SEZ6L: variants seen among roughly 807,000 people sequenced by gnomAD.
SEZ6L encodes the protein seizure related 6 homolog like.
In SEZ6L, 37 loss-of-function variants were observed where a neutral mutation model predicts 106.2. That is an observed-to-expected ratio of 0.35 (90% confidence interval 0.27 to 0.46). The LOEUF is 0.46. SEZ6L is among the 20% of genes least tolerant of loss of function. The pLI is 1.00. For missense variants in SEZ6L, 1,172 were observed against 1,332.8 expected (o/e 0.88, Z 1.88); for synonymous variants, 541 against 570.4 (o/e 0.95, Z 0.73).
At position 26,380,379 on chromosome 22, in the gene SEZ6L, T is replaced by C. The variant is rs1013142809; in HGVS notation, c.*84T>C. ...CATCCAGAGACCATGTGGCACTTGA[T>C]TGAAACCCCAGAATGTCGACTGTCT... On this transcript the variant is annotated 3_prime_UTR_variant, in exon 17 of 17. Coordinates refer to ENST00000248933, the MANE Select transcript of SEZ6L (RefSeq NM_021115.5). 1.0e-5 allele frequency: 11 copies of C among 1,082,676 alleles called. No individual in the cohort carries two copies. The highest frequency in any genetic ancestry group is 1.4e-5 in the Non-Finnish European group (10 of 704,904). 67.1% of individuals were successfully genotyped at this position (1,082,676 alleles called of 1,614,324 possible). A position where few individuals can be genotyped will look rare whatever the true frequency, so the allele number is the denominator to read the frequency against.
Position 26,231,004 on chromosome 22 carries a change from G to A in SEZ6L, c.94+61241G>A, listed in dbSNP as rs560729076. On this transcript the variant is annotated intron_variant, in intron 1 of 16. Transcript: ENST00000248933. ...AGCCCCAAAACTGGGGCTTAGCCCA[G>A]GAGGGTTCTTGGCTTTGCCTAGGAA... is the stretch of plus-strand genomic sequence containing the variant. 2.0e-5 allele frequency among the ~76,000 whole-genome samples: 3 copies of A among 152,326 alleles called. No individual in the cohort carries two copies. The East Asian group carries it at 5.8e-4, about 29-fold the overall frequency.
intron 9 of SEZ6L, among the ~76,000 whole-genome samples, chr22:26,320,767 C>T (rs983037068): frequency 5.3e-5 from 8 of 152,142 alleles, no homozygotes; most frequent in African/African-American, 1.9e-4. Context: ...GTCAGTTTTT[C>T]TCAACCAGGG....
At chr22:26,281,865 C>T (rs2080781552) in intron 1 of SEZ6L, among the ~76,000 whole-genome samples, 1 of 152,190 alleles carries the variant, frequency 6.6e-6, no homozygotes, top group South Asian at 2.1e-4. Flanking sequence ...TTGGATTCCA[C>T]CACATCTTAC....
intron 6 of SEZ6L, among the ~76,000 whole-genome samples, chr22:26,306,570 C>G (rs77934670): frequency 6.6e-6 from 1 of 151,994 alleles, no homozygotes; most frequent in Non-Finnish European, 1.5e-5. Flanking sequence ...AAAAACTAGA[C>G]GTATGCACAT....
In SEZ6L at chr22:26,381,172, C is replaced by T. The variant is rs1000928663; in HGVS notation, c.*877C>T. 2.0e-5 allele frequency: 3 copies of T among 152,092 alleles called. No homozygotes were observed. The highest frequency in any genetic ancestry group is 7.2e-5 in the African/African-American group (3 of 41,426). The allele number at this position is 152,092 out of a possible 1,614,324, so 9.4% of individuals were successfully genotyped here. The stretch of plus-strand genomic sequence containing the variant: ...GCCACTCTCAAGCTGTGGTAATAAA[C>T]ACACAGGCTTGGGAGGCACCAGCGG... On this transcript the variant is annotated 3_prime_UTR_variant, in exon 17 of 17. Transcript: ENST00000248933.
intron 1 of SEZ6L, among the ~76,000 whole-genome samples, chr22:26,233,764 G>C (rs763977102): frequency 2.6e-5 from 4 of 152,194 alleles, no homozygotes; most frequent in Admixed American, 6.5e-5. Context: ...TGTGACCCCT[G>C]CTATGCAGTG....
intron 9 of SEZ6L, among the ~76,000 whole-genome samples, chr22:26,319,587 G>T (rs1286242824): frequency 6.6e-6 from 1 of 152,100 alleles, no homozygotes; most frequent in Non-Finnish European, 1.5e-5. Flanking sequence ...CCCTGCCATT[G>T]GGATGCTCTG....
At chr22:26,190,503 C>A (rs552534199) in intron 1 of SEZ6L, among the ~76,000 whole-genome samples, 1 of 152,194 alleles carries the variant, frequency 6.6e-6, no homozygotes, top group Non-Finnish European at 1.5e-5. Flanking sequence ...CCATCTCTGC[C>A]ACTTATCTCA....
chr22:26,188,861 G>T (rs1052606095), intron 1 of SEZ6L, among the ~76,000 whole-genome samples: 1 of 152,172 alleles, frequency 6.6e-6, no homozygotes, highest in Non-Finnish European at 1.5e-5. Flanking sequence ...TATAGTACCA[G>T]CAGTAAAAAT....
intron 9 of SEZ6L, among the ~76,000 whole-genome samples, chr22:26,337,703 G>T (rs975274849): frequency 6.6e-6 from 1 of 152,162 alleles, no homozygotes; most frequent in African/African-American, 2.4e-5. Context: ...AACTGTCAGG[G>T]GGGTAGGAGG....
chr22:26,321,606 C>G (rs1352384820), intron 9 of SEZ6L, among the ~76,000 whole-genome samples: 2 of 152,214 alleles, frequency 1.3e-5, no homozygotes, highest in Non-Finnish European at 2.9e-5. Context: ...AGCATCTCAA[C>G]AGCCAGGGTT....
chr22:26,304,360 AAAAAGAAAGAAGAAAGAAAGAAAGAAAG>A, intron 5 of SEZ6L, among the ~76,000 whole-genome samples: 1 of 120,314 alleles, frequency 8.3e-6, no homozygotes, highest in African/African-American at 3.5e-5. Flanking sequence ...TCAAAAAAAA[AAAAAGAAAGAAGAAAGAAAGAAAGAAAG>A]AAAGAAAGAA....
At chr22:26,244,824 A>T (rs1338811950) in intron 1 of SEZ6L, 2 of 152,240 alleles carry the variant, frequency 1.3e-5, no homozygotes, top group African/African-American at 2.4e-5. Context: ...GGCTGTAGGG[A>T]TCCCTCTGGG....
intron 10 of SEZ6L, among the ~76,000 whole-genome samples, chr22:26,347,211 GA>G (rs2083037446): frequency 6.6e-6 from 1 of 151,254 alleles, no homozygotes; most frequent in South Asian, 2.1e-4. Context: ...TGATGATGAT[GA>G]TGATGATGAT....
At chr22:26,337,970 T>C (rs532752481) in intron 9 of SEZ6L, among the ~76,000 whole-genome samples, 5 of 152,178 alleles carry the variant, frequency 3.3e-5, no homozygotes, top group African/African-American at 4.8e-5. Flanking sequence ...TGTTGTTTTG[T>C]TCTGACCACC....
In SEZ6L at chr22:26,352,082, G is replaced by A. The variant is rs571028944; in HGVS notation, c.2599+839G>A. 1.1e-4 allele frequency among the ~76,000 whole-genome samples: 16 copies of A among 149,886 alleles called. No homozygotes were observed. In the South Asian group the frequency reaches 3.4e-3, roughly 31 times the overall value. On this transcript the variant is annotated intron_variant, in intron 12 of 16. Coordinates refer to ENST00000248933, the MANE Select transcript of SEZ6L (RefSeq NM_021115.5). The stretch of plus-strand genomic sequence containing the variant: ...AGGCTGAGGTGGGAGGATTGCTTGA[G>A]CCCAAGAGGTCAAGGCTGCAGTGAG...
intron 1 of SEZ6L, among the ~76,000 whole-genome samples, chr22:26,231,228 G>A (rs532453879): frequency 8.5e-5 from 13 of 152,288 alleles, no homozygotes; most frequent in Admixed American, 7.2e-4. Context: ...GGTGGTTTAT[G>A]CAGAAATTTC....
chr22:26,376,219 A>T (rs1039196884), intron 15 of SEZ6L, among the ~76,000 whole-genome samples: 1 of 150,226 alleles, frequency 6.7e-6, no homozygotes, highest in Non-Finnish European at 1.5e-5. Flanking sequence ...AAAAAAAAAT[A>T]GAAGGAAATA....
At chr22:26,348,646 A>AAGAAAGAAAAAG (rs1556371589) in intron 11 of SEZ6L, among the ~76,000 whole-genome samples, 11 of 7,688 alleles carry the variant, frequency 1.4e-3, no homozygotes, top group East Asian at 0.01. Flanking sequence ...GAAAGAAAGA[A>AAGAAAGAAAAAG]AAAGAAAGAA....
Sources: allele counts gnomAD v4.1 joint callset (sites outside exome capture counted in the v4.1 genomes callset), GRCh38; gene constraint gnomAD v4.1.1; transcripts MANE v1.5; gene names NCBI Gene and HGNC (gene_info 2026-07-23, HGNC 2026-07-21).